The following CNTNAP2 variants were observed in gnomAD, a reference collection of about 807,000 sequenced individuals.
CNTNAP2 encodes contactin associated protein 2.
In CNTNAP2, 98 loss-of-function variants were observed where a neutral mutation model predicts 155.2. That is an observed-to-expected ratio of 0.63 (90% CI 0.54 to 0.75). The LOEUF is 0.75. CNTNAP2 is among the 30% of genes least tolerant of loss of function. CNTNAP2 has a pLI of 0.00. For missense variants in CNTNAP2, 1,727 were observed against 1,688.1 expected, an observed-to-expected ratio of 1.02 and a Z score of -0.40; for synonymous variants, 651 against 631.2, an observed-to-expected ratio of 1.03 and a Z score of -0.47.
intron 9 of CNTNAP2, among the ~76,000 whole-genome samples, chr7:147,347,877 C>T (rs1046956568): frequency 2.0e-5 from 3 of 151,982 alleles, no homozygotes; most frequent in African/African-American, 7.2e-5. Context: ...AATTAATCTA[C>T]ATGTCTATAC....
At chr7:146,290,888 T>C (rs1249913159) in intron 1 of CNTNAP2, among the ~76,000 whole-genome samples, 1 of 152,226 alleles carries the variant, frequency 6.6e-6, no homozygotes, top group Non-Finnish European at 1.5e-5. Flanking sequence ...TGTCACTGCA[T>C]AGCAAAGCAT....
In CNTNAP2 at chr7:146,723,623, A is replaced by G. The variant is rs1801377684; in HGVS notation, c.98-50648A>G. ...AATGACTCACCTGGGAAGAACTATT[A>G]AGGTAATTTAAAGAACACACTTTAT... On this transcript the variant is annotated intron_variant, in intron 1 of 23. Transcript: ENST00000361727. Among the ~76,000 whole-genome samples, 3 of 152,214 alleles carry G rather than the reference A, an allele frequency of 2.0e-5. No homozygotes were observed. In the South Asian group the frequency reaches 6.2e-4, roughly 32 times the overall value.
intron 8 of CNTNAP2, among the ~76,000 whole-genome samples, chr7:147,179,789 T>C (rs1205689773): frequency 2.6e-5 from 4 of 152,074 alleles, no homozygotes; most frequent in African/African-American, 9.7e-5. Flanking sequence ...GGAAAGAGGA[T>C]AGATTCAAAA....
chr7:148,209,626 T>C (rs181504894), intron 18 of CNTNAP2, among the ~76,000 whole-genome samples: 126 of 152,354 alleles, frequency 8.3e-4, no homozygotes, highest in African/African-American at 2.9e-3. Flanking sequence ...ATCATTATAT[T>C]TATTCTGTCC....
At position 146,439,212 on chromosome 7, in the gene CNTNAP2, C is replaced by G. The variant is rs1584926062; in HGVS notation, c.97+322239C>G. Among the ~76,000 whole-genome samples the G allele has an allele frequency of 2.0e-5, 3 of 151,508 alleles. No individual in the cohort carries two copies. The East Asian group carries it at 5.8e-4, about 29-fold the overall frequency. Reference sequence around the variant, plus strand: ...TTATATTTCCAGTGTTTAAGATATTCATTTTTTAAAAAACACTCTCTTCAA... The same window carrying G: ...TTATATTTCCAGTGTTTAAGATATTGATTTTTTAAAAAACACTCTCTTCAA... On this transcript the variant is annotated intron_variant, in intron 1 of 23. Transcript: ENST00000361727.
intron 13 of CNTNAP2, among the ~76,000 whole-genome samples, chr7:147,692,168 T>C (rs932094456): frequency 3.3e-5 from 5 of 152,140 alleles, no homozygotes; most frequent in South Asian, 4.1e-4. Context: ...AAGCTTCCTT[T>C]GTGTCTTTTC....
At chr7:147,662,955 C>T (rs1373702233) in intron 13 of CNTNAP2, among the ~76,000 whole-genome samples, 3 of 152,058 alleles carry the variant, frequency 2.0e-5, no homozygotes, top group East Asian at 1.9e-4. Flanking sequence ...AGTTTTAGAG[C>T]GTGATTTTTT....
intron 3 of CNTNAP2, among the ~76,000 whole-genome samples, chr7:146,875,466 A>G (rs1488600061): frequency 6.6e-6 from 1 of 152,046 alleles, no homozygotes; most frequent in Non-Finnish European, 1.5e-5. Context: ...ACTCTTTGAG[A>G]TGTAAATCTT....
Position 147,395,599 on chromosome 7 carries a change from T to C in CNTNAP2, c.1499-10T>C. The C allele has an allele frequency of 6.2e-7, 1 of 1,611,366 alleles. No individual in the cohort carries two copies. Among genetic ancestry groups the C allele is most frequent in the Non-Finnish European group, 8.5e-7 (1 of 1,178,018 alleles). The stretch of plus-strand genomic sequence containing the variant: ...ACCAGATTTACATTCCCATTTCTTC[T>C]GTTTCACAGGTTTTCTGAACCAGAT... On this transcript the variant is annotated splice_polypyrimidine_tract_variant and intron_variant, in intron 9 of 23. Transcript: ENST00000361727.
intron 1 of CNTNAP2, among the ~76,000 whole-genome samples, chr7:146,422,520 A>T (rs1796027642): frequency 6.6e-6 from 1 of 151,608 alleles, no homozygotes; most frequent in South Asian, 2.1e-4. Flanking sequence ...GACATTTTTC[A>T]TCTCTATTTG....
At chr7:148,333,969 C>G (rs1798074584) in intron 21 of CNTNAP2, among the ~76,000 whole-genome samples, 1 of 152,184 alleles carries the variant, frequency 6.6e-6, no homozygotes, top group South Asian at 2.1e-4. Flanking sequence ...GAACTTTCCC[C>G]ATGACATCAG....
At position 147,310,340 on chromosome 7, in the gene CNTNAP2, C is replaced by T. The variant is rs145388895; in HGVS notation, c.1498+10050C>T. On this transcript the variant is annotated intron_variant, in intron 9 of 23. Transcript: ENST00000361727. Reference sequence around the variant, plus strand: ...ACTTTCAAGAATTGGCTTAACCCTGCGGCCATTTACCATTGACATGTTCTG... The same window carrying T: ...ACTTTCAAGAATTGGCTTAACCCTGTGGCCATTTACCATTGACATGTTCTG... 1.2e-3 allele frequency among the ~76,000 whole-genome samples: 176 copies of T among 152,172 alleles called. 1 individual carries two copies. Among genetic ancestry groups the T allele is most frequent in the Non-Finnish European group, 1.5e-3 (105 of 67,986 alleles).
chr7:147,566,824 T>A (rs1246562882), intron 12 of CNTNAP2, among the ~76,000 whole-genome samples: 7 of 152,082 alleles, frequency 4.6e-5, no homozygotes, highest in Admixed American at 4.6e-4. Context: ...GAGATTAGGG[T>A]TCTCGTGTTA....
At chr7:146,986,088 T>G (rs1433454578) in intron 3 of CNTNAP2, among the ~76,000 whole-genome samples, 1 of 152,188 alleles carries the variant, frequency 6.6e-6, no homozygotes, top group Non-Finnish European at 1.5e-5. Context: ...TGTGAGATTT[T>G]GGTGCACCCA....
intron 1 of CNTNAP2, among the ~76,000 whole-genome samples, chr7:146,507,695 A>G (rs1030082496): frequency 6.6e-6 from 1 of 152,156 alleles, no homozygotes; most frequent in Non-Finnish European, 1.5e-5. Context: ...CCTTGTTTTC[A>G]TTCACAGCCA....
At chr7:146,154,815 T>A (rs542049062) in intron 1 of CNTNAP2, among the ~76,000 whole-genome samples, 1 of 152,294 alleles carries the variant, frequency 6.6e-6, no homozygotes, top group African/African-American at 2.4e-5. Context: ...GTAAAAAGCA[T>A]CTATAGACCA....
intron 1 of CNTNAP2, among the ~76,000 whole-genome samples, chr7:146,267,195 C>T (rs1169789822): frequency 6.6e-6 from 1 of 152,032 alleles, no homozygotes; most frequent in Non-Finnish European, 1.5e-5. Flanking sequence ...TTTTTATGTG[C>T]TCATCAAATG....
intron 13 of CNTNAP2, among the ~76,000 whole-genome samples, chr7:147,702,082 A>G (rs1343683835): frequency 6.2e-5 from 9 of 144,802 alleles, no homozygotes; most frequent in African/African-American, 2.1e-4. Flanking sequence ...TTTTTTCCGA[A>G]ATATACTTGT....
intron 1 of CNTNAP2, among the ~76,000 whole-genome samples, chr7:146,377,783 T>C (rs1024555587): frequency 6.6e-6 from 1 of 152,204 alleles, no homozygotes; most frequent in African/African-American, 2.4e-5. Context: ...AGATTTGCCT[T>C]GTAATAATTA....
Sources: allele counts gnomAD v4.1 joint callset (sites outside exome capture counted in the v4.1 genomes callset), GRCh38; gene constraint gnomAD v4.1.1; transcripts MANE v1.5; gene names NCBI Gene and HGNC (gene_info 2026-07-23, HGNC 2026-07-21).